The following SFI1 variants were observed in gnomAD, a reference collection of about 807,000 sequenced individuals.
SFI1 encodes SFI1 centrin binding protein, also known as protein SFI1 homolog.
A neutral mutation model predicts 207.5 loss-of-function variants in SFI1; 195 were observed. The ratio of observed to expected loss-of-function variants is 0.94; its 90% CI spans 0.84 to 1.06. The LOEUF (loss-of-function observed/expected upper bound fraction) is 1.06, where lower values mean the gene tolerates loss of function less well. SFI1 is among the 50% of genes least tolerant of loss of function. The probability of loss-of-function intolerance (pLI) is 0.00; values close to 1 mark genes in which losing one functional copy is unlikely to be tolerated. For synonymous variants in SFI1, 630 were observed against 598.9 expected (o/e 1.05, Z -0.76); for missense variants, 1,634 against 1,588.0 (o/e 1.03, Z -0.49).
chr22:31,525,987 G>T (rs1049600547), intron 2 of SFI1, among the ~76,000 whole-genome samples: 4 of 152,120 alleles, frequency 2.6e-5, no homozygotes, highest in African/African-American at 9.7e-5. Context: ...TCCTATTTAT[G>T]TGAAGAATGT....
At chr22:31,519,272 CA>C (rs147295171) in intron 2 of SFI1, among the ~76,000 whole-genome samples, 3,380 of 150,138 alleles carry the variant, frequency 0.023, 118 homozygotes, top group African/African-American at 0.078. Context: ...TTTTATTTTC[CA>C]TTTTTTTTTT....
chr22:31,614,671 T>C (rs1216828009), intron 27 of SFI1, 118 bp from the exon 28 acceptor site: 1 of 1,211,094 alleles, frequency 8.3e-7, no homozygotes, highest in Non-Finnish European at 1.2e-6. Context: ...CTTGCTGACC[T>C]TGGCCTCGCC....
Position 31,602,788 on chromosome 22 carries a change from G to C in SFI1, c.1805+3G>C, listed in dbSNP as rs749777065. On this transcript the variant is annotated splice_donor_region_variant and intron_variant, in intron 17 of 32. Coordinates refer to ENST00000400288, the MANE Select transcript of SFI1 (RefSeq NM_001007467.3). ...AGTGCCCAAGGGCTCAGAACAGAGT[G>C]AGTGGCCAGTTCTGCCTTACAAGCC... The C allele has an allele frequency of 1.9e-6, 3 of 1,612,594 alleles. No homozygotes were observed. The highest frequency in any genetic ancestry group is 2.5e-6 in the Non-Finnish European group (3 of 1,179,616).
intron 20 of SFI1, chr22:31,605,979 G>C: frequency 3.9e-6 from 1 of 256,198 alleles, no homozygotes; most frequent in East Asian, 8.3e-5. Flanking sequence ...CTGAGGCGTA[G>C]GCAACCTTCC....
In SFI1 at chr22:31,613,412, A is replaced by G; in HGVS notation, c.2624A>G (p.Gln875Arg). 1 of 1,610,912 alleles carries G rather than the reference A, an allele frequency of 6.2e-7. No individual in the cohort carries two copies. Among genetic ancestry groups the G allele is most frequent in the Non-Finnish European group, 8.5e-7 (1 of 1,179,758 alleles). The change falls in exon 26 of 33, where the codon CAG becomes CGG. Residue 875 changes from glutamine (Q) to arginine (R), a missense_variant. Transcript: ENST00000400288. ...LERRRKKARL[Q>R]WALQAYQGQL... Reference sequence around the variant, plus strand: ...AGGAGGAGAAAGAAGGCGCGGCTGCAGTGGGCGCTCCAGGCCTACCAGGGG... The same window carrying G: ...AGGAGGAGAAAGAAGGCGCGGCTGCGGTGGGCGCTCCAGGCCTACCAGGGG...
intron 2 of SFI1, among the ~76,000 whole-genome samples, chr22:31,527,024 G>C (rs959048153): frequency 6.6e-6 from 1 of 152,126 alleles, no homozygotes; most frequent in Non-Finnish European, 1.5e-5. Context: ...AGCCTCCCAA[G>C]TAGCTGAGAT....
intron 2 of SFI1, among the ~76,000 whole-genome samples, chr22:31,522,185 A>T (rs1246229546): frequency 6.8e-6 from 1 of 147,334 alleles, no homozygotes; most frequent in East Asian, 2.0e-4. Flanking sequence ...CTCCCGCCTC[A>T]GCCTCCCAGG....
chr22:31,563,202 A>T (rs995262155), intron 8 of SFI1, among the ~76,000 whole-genome samples: 1 of 152,054 alleles, frequency 6.6e-6, no homozygotes, highest in East Asian at 1.9e-4. Context: ...CGTGTTGCCC[A>T]GGGTGGTTGC....
intron 3 of SFI1, chr22:31,530,600 A>C (rs947626512): frequency 1.1e-5 from 5 of 469,982 alleles, no homozygotes; most frequent in Non-Finnish European, 1.8e-5. Flanking sequence ...AGGGGCTCAC[A>C]GTGCAGAGGG....
At chr22:31,604,772 G>A (rs774271584) in intron 19 of SFI1, 97 bp from the exon 20 acceptor site, 43 of 1,130,232 alleles carry the variant, frequency 3.8e-5, no homozygotes, top group Admixed American at 4.9e-5. Context: ...GAGTTCTCTG[G>A]GCATGGCAGC....
At position 31,616,730 on chromosome 22, in the gene SFI1, T is replaced by A; in HGVS notation, c.3301-15T>A. On this transcript the variant is annotated splice_polypyrimidine_tract_variant and intron_variant, in intron 29 of 32. Transcript: ENST00000400288. ...TAGCTTCCTTGCTCAGCATCTACCC[T>A]TCTTTCCTTTGCAGGTGTCAGCACA... The A allele has an allele frequency of 6.5e-7, 1 of 1,528,378 alleles. No individual in the cohort carries two copies. Among genetic ancestry groups the A allele is most frequent in the Non-Finnish European group, 8.8e-7 (1 of 1,141,428 alleles). 94.7% of individuals were successfully genotyped at this position (1,528,378 alleles called of 1,614,324 possible). A position where few individuals can be genotyped will look rare whatever the true frequency, so the allele number is the denominator to read the frequency against.
intron 7 of SFI1, 121 bp from the exon 8 acceptor site, chr22:31,561,169 A>C: frequency 1.4e-6 from 1 of 731,228 alleles, no homozygotes; most frequent in Non-Finnish European, 2.2e-6. Flanking sequence ...CAGTGAATCT[A>C]GAGATGGTAC....
intron 18 of SFI1, among the ~76,000 whole-genome samples, 166 bp from the exon 19 acceptor site, chr22:31,604,143 T>TA (rs1218415369): frequency 1.3e-5 from 2 of 152,236 alleles, no homozygotes; most frequent in African/African-American, 4.8e-5. Flanking sequence ...ATCAAGCACT[T>TA]ACCTCATCAA....
chr22:31,530,171 CAAAAAAA>C (rs1162482504), intron 3 of SFI1, among the ~76,000 whole-genome samples: 456 of 11,914 alleles, frequency 0.038, no homozygotes, highest in Non-Finnish European at 0.051. Context: ...GACTCCATCT[CAAAAAAA>C]AAAAAAAAAA....
rs754151303 is a variant in SFI1, at chr22:31,613,106, G to A, written c.2491-36G>A. On this transcript the variant is annotated intron_variant, in intron 24 of 32. Transcript: ENST00000400288. ...GTGATCACCACGGCCTCCTTGAAGG[G>A]GCTATAGGGAAATGATCTGGTCTTT... The A allele has an allele frequency of 3.7e-6, 6 of 1,608,432 alleles. No homozygotes were observed. In the South Asian group the frequency reaches 6.6e-5, roughly 18 times the overall value.
At chr22:31,556,898 C>T (rs1438560299) in intron 6 of SFI1, 44 bp from the exon 7 acceptor site, 2 of 1,326,350 alleles carry the variant, frequency 1.5e-6, no homozygotes, top group Admixed American at 2.0e-5. Flanking sequence ...CAGAGTAATC[C>T]ATCTCTCCCC....
At chr22:31,612,078 T>TA in intron 24 of SFI1, 2 of 1,240,086 alleles carry the variant, frequency 1.6e-6, no homozygotes, top group Non-Finnish European at 2.0e-6. Flanking sequence ...AGTGTTGTAT[T>TA]AAAAAATACA....
chr22:31,507,816 T>C (rs1278734714), intron 1 of SFI1, among the ~76,000 whole-genome samples: 1 of 152,188 alleles, frequency 6.6e-6, no homozygotes, highest in Non-Finnish European at 1.5e-5. Flanking sequence ...GGCTCACCAC[T>C]GTAATTTTAG....
chr22:31,616,723 T>C, intron 29 of SFI1, 22 bp from the exon 30 acceptor site: 1 of 1,521,210 alleles, frequency 6.6e-7, no homozygotes, highest in South Asian at 1.3e-5. Flanking sequence ...TTGCTCAGCA[T>C]CTACCCTTCT....
Sources: allele counts gnomAD v4.1 joint callset (sites outside exome capture counted in the v4.1 genomes callset), GRCh38; gene constraint gnomAD v4.1.1; transcripts MANE v1.5; gene names NCBI Gene and HGNC (gene_info 2026-07-23, HGNC 2026-07-21).